Variants in TRIM14 observed in about 807,000 individuals in gnomAD.
TRIM14 encodes the protein tripartite motif-containing protein 14.
Under a neutral mutation model 44.5 loss-of-function variants are expected in TRIM14, and 28 were observed. The ratio of observed to expected loss-of-function variants is 0.63; its 90% confidence interval spans 0.47 to 0.86. The LOEUF (loss-of-function observed/expected upper bound fraction) is 0.86, where lower values mean the gene tolerates loss of function less well. TRIM14 is among the 40% of genes least tolerant of loss of function. The pLI is 0.00. For missense variants in TRIM14, 607 were observed against 611.1 expected, an observed-to-expected ratio of 0.99 and a Z score of 0.07; for synonymous variants, 299 against 269.2, an observed-to-expected ratio of 1.11 and a Z score of -1.08.
At chr9:98,096,981 G>A (rs1295992300) in intron 3 of TRIM14, among the ~76,000 whole-genome samples, 1 of 152,182 alleles carries the variant, frequency 6.6e-6, no homozygotes, top group East Asian at 1.9e-4. Flanking sequence ...ATCACTTGAG[G>A]TCAAGAGTTT....
chr9:98,036,522 C>G, the TRIM14 span, among the ~76,000 whole-genome samples: 48 of 109,182 alleles, frequency 4.4e-4, 1 homozygote, highest in South Asian at 0.01. Context: ...AAAAAAAATG[C>G]TAGGCAAGGT....
downstream of TRIM14, among the ~76,000 whole-genome samples, chr9:98,065,833 G>A (rs146953323): frequency 1.3e-5 from 2 of 151,944 alleles, no homozygotes; most frequent in Non-Finnish European, 2.9e-5. Flanking sequence ...AGATCTGATG[G>A]GTTTATCAGG....
intron 5 of TRIM14, among the ~76,000 whole-genome samples, chr9:98,090,656 C>A (rs562699727): frequency 6.5e-4 from 98 of 151,070 alleles, no homozygotes; most frequent in African/African-American, 2.2e-3. Flanking sequence ...CTTCGCCTCC[C>A]GGGTTCAAGC....
chr9:98,099,482 C>T (rs1037741644), intron 3 of TRIM14, among the ~76,000 whole-genome samples: 1 of 146,410 alleles, frequency 6.8e-6, no homozygotes, highest in African/African-American at 2.5e-5. Context: ...AAAGACTGTA[C>T]AGTCAGAGGG....
At chr9:98,039,907 A>G in the TRIM14 span, among the ~76,000 whole-genome samples, 1 of 151,934 alleles carries the variant, frequency 6.6e-6, no homozygotes, top group Admixed American at 6.6e-5. Flanking sequence ...CTCTTTCTCT[A>G]TTGCACTTCC....
chr9:98,036,948 T>C, the TRIM14 span, among the ~76,000 whole-genome samples: 10 of 152,320 alleles, frequency 6.6e-5, no homozygotes, highest in African/African-American at 2.4e-4. Context: ...TGACCTGACT[T>C]GTCACCTTGT....
At chr9:98,094,224 G>GTGAA (rs1219645587) in intron 4 of TRIM14, among the ~76,000 whole-genome samples, 2 of 152,348 alleles carry the variant, frequency 1.3e-5, no homozygotes, top group Non-Finnish European at 2.9e-5. Flanking sequence ...GATAGCAGAG[G>GTGAA]TGAATGAATG....
the TRIM14 span, among the ~76,000 whole-genome samples, chr9:98,036,806 A>G: frequency 6.6e-6 from 1 of 152,176 alleles, no homozygotes; most frequent in African/African-American, 2.4e-5. Context: ...CTCGGTCTCA[A>G]AAAAACAAAA....
the TRIM14 span, among the ~76,000 whole-genome samples, chr9:98,049,627 T>A: frequency 9.8e-5 from 15 of 152,294 alleles, 1 homozygote; most frequent in African/African-American, 3.6e-4. Context: ...TAGTGTATAA[T>A]GAACAGTGAG....
downstream of TRIM14, among the ~76,000 whole-genome samples, chr9:98,068,279 C>T (rs548783123): frequency 2.0e-5 from 3 of 152,048 alleles, no homozygotes; most frequent in East Asian, 1.9e-4. Flanking sequence ...GGATTACAGG[C>T]GCACACCACC....
At chr9:98,080,975 G>A, downstream of TRIM14, 3 of 1,614,202 alleles carry the variant, frequency 1.9e-6, no homozygotes, top group Non-Finnish European at 1.7e-6. Context: ...GGCCTCGCTG[G>A]AGCCTGGAGA....
intron 1 of TRIM14, among the ~76,000 whole-genome samples, chr9:98,113,113 C>CA (rs57908629): frequency 0.038 from 1,460 of 38,188 alleles, 47 homozygotes; most frequent in African/African-American, 0.074. Flanking sequence ...AACTCCATCT[C>CA]AAAAAAAAAA....
chr9:98,074,559 G>A (rs1829496097), intron 6 of TRIM14: 1 of 152,168 alleles, frequency 6.6e-6, no homozygotes, highest in African/African-American at 2.4e-5. Flanking sequence ...TTTTCTAAAT[G>A]TCCACTGGGT....
chr9:98,072,832 C>A (rs1048356310), intron 6 of TRIM14, among the ~76,000 whole-genome samples: 2 of 152,144 alleles, frequency 1.3e-5, no homozygotes, highest in Non-Finnish European at 1.5e-5. Context: ...TGTTTACCTA[C>A]CCTAACTTCC....
chr9:98,080,906 G>T (rs756816541), downstream of TRIM14: 12 of 1,614,220 alleles, frequency 7.4e-6, no homozygotes, highest in South Asian at 1.3e-4. Context: ...GGCTCTGGGG[G>T]CCAAGGTGTT....
At position 98,095,564 on chromosome 9, in the gene TRIM14, C is replaced by T. The variant is rs746738479; in HGVS notation, c.538-535G>A. Among the ~76,000 whole-genome samples the T allele has an allele frequency of 4.6e-5, 7 of 152,194 alleles. No homozygotes were observed. Among genetic ancestry groups the T allele is most frequent in the Non-Finnish European group, 1.0e-4 (7 of 68,038 alleles). On this transcript the variant is annotated intron_variant, in intron 3 of 5. Transcript: ENST00000341469. This position sits in a 1 kb window ranked among gnomAD's most constrained non-coding sequence, Gnocchi z 4.1. ...GTGCTGACTGAGGGGGTGTGGCCACCGCAGGGGACATGTGTCCTGTTTTGC... is the reference window on the plus strand; with the variant it reads ...GTGCTGACTGAGGGGGTGTGGCCACTGCAGGGGACATGTGTCCTGTTTTGC...
chr9:98,077,144 A>G, intron 6 of TRIM14: 1 of 707,738 alleles, frequency 1.4e-6, no homozygotes, highest in Non-Finnish European at 2.3e-6. Context: ...ATTTTTTTAA[A>G]TAGAGATAGG....
At chr9:98,103,784 GC>G (rs1445968231) in intron 2 of TRIM14, among the ~76,000 whole-genome samples, 1 of 140,634 alleles carries the variant, frequency 7.1e-6, no homozygotes, top group Non-Finnish European at 1.5e-5. Context: ...GTTGCAGTGA[GC>G]CGAGATTGTG....
chr9:98,114,318 CTT>C (rs933411040), intron 1 of TRIM14, among the ~76,000 whole-genome samples: 21 of 151,926 alleles, frequency 1.4e-4, no homozygotes, highest in African/African-American at 5.1e-4. Flanking sequence ...TATTCTAAGC[CTT>C]TTATCATCCA....
Sources: gnomAD v4.1 joint callset for allele counts (sites outside exome capture counted in the v4.1 genomes callset) on GRCh38, gnomAD v4.1.1 for gene constraint, Gnocchi (gnomAD v3.1) non-coding constraint, MANE v1.5 for transcripts, NCBI Gene and HGNC (gene_info 2026-07-23, HGNC 2026-07-21) for gene names.